SBNO2: variants seen among roughly 807,000 people sequenced by gnomAD.
SBNO2 encodes strawberry notch homolog 2.
In SBNO2, 89 loss-of-function variants were observed where a neutral mutation model predicts 146.3. The ratio of observed to expected loss-of-function variants is 0.61; its 90% confidence interval spans 0.51 to 0.73. The LOEUF (loss-of-function observed/expected upper bound fraction) is 0.73, where lower values mean the gene tolerates loss of function less well. Among genes scored for constraint, SBNO2 ranks in the 30% least tolerant of loss-of-function variants. The pLI is 0.00. For synonymous variants in SBNO2, 1,147 were observed against 892.6 expected (o/e 1.29, Z -5.08); for missense variants, 2,092 against 2,003.7 (o/e 1.04, Z -0.84).
chr19:1,149,589 G>T lies in SBNO2; in HGVS notation c.94-147C>A, dbSNP rs1176187750. ...CCCGCCCCTGCTGGTATCTCCTGGG[G>T]AGTCATTTAACTGCCCCGTGCCTCA... On this transcript the variant is annotated intron_variant, in intron 2 of 31. Coordinates refer to ENST00000361757, the MANE Select transcript of SBNO2 (RefSeq NM_014963.3). The T allele has an allele frequency of 1.7e-5, 12 of 695,422 alleles. No individual in the cohort carries two copies. The East Asian group carries it at 3.3e-4, about 19-fold the overall frequency. 43.1% of individuals were successfully genotyped at this position (695,422 alleles called of 1,614,324 possible).
chr19:1,149,524 A>G (rs963119694), intron 2 of SBNO2, 82 bp from the exon 3 acceptor site: 1 of 1,303,216 alleles, frequency 7.7e-7, no homozygotes, highest in Non-Finnish European at 1.1e-6. Context: ...GCAGGGTGAC[A>G]GGCCGAGAGG....
rs538518135 is a variant in SBNO2 at position 1,140,259 on chromosome 19, C to T, written c.279+7050G>A. ...TGGTTGCAGTGAGCCGAGGTCACGC[C>T]ACTGCACTCCAGCCTGGGCGACAGA... On this transcript the variant is annotated intron_variant, in intron 4 of 31. Coordinates refer to ENST00000361757, the MANE Select transcript of SBNO2 (RefSeq NM_014963.3). The surrounding 1 kb of genome is among the most constrained non-coding windows in gnomAD (Gnocchi z 4.4). 2.0e-5 allele frequency among the ~76,000 whole-genome samples: 3 copies of T among 151,318 alleles called. No individual in the cohort carries two copies. The highest frequency in any genetic ancestry group is 3.9e-4 in the East Asian group (2 of 5,144).
At chr19:1,108,751 C>G (rs780249690) in intron 31 of SBNO2, 28 bp downstream of exon 31, 1 of 1,592,376 alleles carries the variant, frequency 6.3e-7, no homozygotes, top group Non-Finnish European at 8.5e-7. Flanking sequence ...GGGCTCGGGC[C>G]TTCCCGGGGC....
chr19:1,146,032 G>C (rs2080186493), intron 4 of SBNO2, among the ~76,000 whole-genome samples: 1 of 152,046 alleles, frequency 6.6e-6, no homozygotes, highest in Non-Finnish European at 1.5e-5. Context: ...TCCAGCCCTG[G>C]GGCTCCAGGA....
At chr19:1,149,694 G>A (rs2080225090) in intron 2 of SBNO2, among the ~76,000 whole-genome samples, 1 of 152,226 alleles carries the variant, frequency 6.6e-6, no homozygotes, top group Non-Finnish European at 1.5e-5. Context: ...GAAGGGCTCA[G>A]CACAGGTCTT....
Position 1,171,275 on chromosome 19 carries a change from C to T in SBNO2, c.-127+2897G>A, listed in dbSNP as rs544361342. On this transcript the variant is annotated intron_variant, in intron 1 of 31. Transcript: ENST00000361757. The stretch of plus-strand genomic sequence containing the variant: ...ACAACACACACACAGAACGCGCACA[C>T]GTCCGTACGACGCACACACAGAATG... Among the ~76,000 whole-genome samples, 13 of 152,176 alleles carry T rather than the reference C, an allele frequency of 8.5e-5. No individual in the cohort carries two copies. In the South Asian group the frequency reaches 1.7e-3, roughly 19 times the overall value.
At chr19:1,167,450 C>G (rs556887617) in intron 1 of SBNO2, among the ~76,000 whole-genome samples, 50 of 152,302 alleles carry the variant, frequency 3.3e-4, no homozygotes, top group African/African-American at 1.2e-3. Flanking sequence ...TGAGCTCGGC[C>G]GGGGGCGGGA....
chr19:1,108,196 G>C lies in SBNO2; in HGVS notation c.*24C>G, dbSNP rs926754677. On this transcript the variant is annotated 3_prime_UTR_variant, in exon 32 of 32. Transcript: ENST00000361757. ...GGGGAGAAACGGTCCCTGTGTCTTG[G>C]GGCATGTTTCGCCTAAAGGCGTGTC... 2 of 1,522,216 alleles carry C rather than the reference G, an allele frequency of 1.3e-6. No individual in the cohort carries two copies. The highest frequency in any genetic ancestry group is 8.8e-7 in the Non-Finnish European group (1 of 1,132,466). The allele number at this position is 1,522,216 out of a possible 1,614,324, so 94.3% of individuals were successfully genotyped here.
chr19:1,108,633 G>A lies in SBNO2; in HGVS notation c.3688C>T (p.Arg1230Cys), dbSNP rs562451114. ...CAGCCCAGGGCGGGCGCCTGCCTGC[G>A]CTTCACGTCCGCATCCATCAGCCGC... The part of the protein sequence containing the change: ...ELRLMDADVK[R>C]RQAPALGCPA... The change falls in exon 32 of 32, where the codon CGC becomes TGC. Residue 1230 changes from arginine (R) to cysteine (C), a missense_variant. Physicochemically the swap from Arg to Cys is radical, Grantham distance 180. Coordinates refer to ENST00000361757, the MANE Select transcript of SBNO2 (RefSeq NM_014963.3). 333 of 1,475,310 alleles carry A rather than the reference G, an allele frequency of 2.3e-4. No homozygotes were observed. The highest frequency in any genetic ancestry group is 2.0e-3 in the Admixed American group (82 of 42,006). The allele number at this position is 1,475,310 out of a possible 1,614,324, so 91.4% of individuals were successfully genotyped here. A position where few individuals can be genotyped will look rare whatever the true frequency, so the allele number is the denominator to read the frequency against.
At chr19:1,122,079 T>A in intron 11 of SBNO2, 60 bp downstream of exon 11, 15 of 627,922 alleles carry the variant, frequency 2.4e-5, no homozygotes, top group Non-Finnish European at 2.9e-5. Context: ...TCCTCCATCC[T>A]CCTTTTCCCT....
chr19:1,132,001 C>G lies in SBNO2; in HGVS notation c.280-4236G>C, dbSNP rs374185769. 4.9e-6 allele frequency: 5 copies of G among 1,014,050 alleles called. No homozygotes were observed. The East Asian group carries it at 1.6e-4, about 33-fold the overall frequency. 62.8% of individuals were successfully genotyped at this position (1,014,050 alleles called of 1,614,324 possible). ...CTCTAGGATGAGATGCCGGCTGCTC[C>G]GGCAGGGGGCCCGGCCGTCCTGAAT... On this transcript the variant is annotated intron_variant, in intron 4 of 31. Coordinates refer to ENST00000361757, the MANE Select transcript of SBNO2 (RefSeq NM_014963.3).
intron 23 of SBNO2, 39 bp downstream of exon 23, chr19:1,111,957 C>A: frequency 6.5e-7 from 1 of 1,539,326 alleles, no homozygotes. Context: ...TAGACCCCTG[C>A]CCCTGCCCCG....
intron 16 of SBNO2, 36 bp from the exon 17 acceptor site, chr19:1,116,139 G>A (rs373992538): frequency 1.9e-6 from 3 of 1,578,796 alleles, no homozygotes; most frequent in Non-Finnish European, 2.6e-6. Context: ...CTCACACGAG[G>A]AGCTGAGGCC....
At chr19:1,154,561 C>T (rs1233366367) in intron 1 of SBNO2, among the ~76,000 whole-genome samples, 159 bp from the exon 2 acceptor site, 2 of 152,116 alleles carry the variant, frequency 1.3e-5, no homozygotes, top group African/African-American at 2.4e-5. Flanking sequence ...TCCCCACTCA[C>T]CCCCACCCGC....
At chr19:1,122,587 A>G (rs992662101) in intron 9 of SBNO2, 29 bp from the exon 10 acceptor site, 2 of 1,509,582 alleles carry the variant, frequency 1.3e-6, no homozygotes, top group African/African-American at 2.8e-5. Flanking sequence ...AGGCGCGCCC[A>G]CCCTTCCCCC....
rs1052610536 is a variant in SBNO2 at position 1,122,672 on chromosome 19, C to G, written c.900G>C (p.Arg300=). 2.0e-6 allele frequency: 3 copies of G among 1,489,204 alleles called. No individual in the cohort carries two copies. Among genetic ancestry groups the G allele is most frequent in the Non-Finnish European group, 2.7e-6 (3 of 1,118,894 alleles). The allele number at this position is 1,489,204 out of a possible 1,614,324, so 92.2% of individuals were successfully genotyped here. Residue 300 remains arginine (R), a synonymous_variant, in exon 9 of 32, where the codon CGG becomes CGC. Coordinates refer to ENST00000361757, the MANE Select transcript of SBNO2 (RefSeq NM_014963.3). The stretch of plus-strand genomic sequence containing the variant: ...CAGGGCCTCACCACAATGCTTTCTT[C>G]CGGCCGCGCAGGTGGTTCTCCAGGA... ...GVILENHLRG[R]KKALWFSVSN... is the part of the protein sequence containing the mutation.
intron 8 of SBNO2, 31 bp downstream of exon 8, chr19:1,122,863 A>C (rs1287838264): frequency 5.8e-6 from 9 of 1,539,256 alleles, no homozygotes; most frequent in Non-Finnish European, 7.9e-6. Context: ...TCGCGGACAC[A>C]GGCTGGGCTG....
At chr19:1,167,193 T>A (rs2080434268) in intron 1 of SBNO2, among the ~76,000 whole-genome samples, 1 of 152,266 alleles carries the variant, frequency 6.6e-6, no homozygotes, top group Non-Finnish European at 1.5e-5. Flanking sequence ...AGTTAGGCGC[T>A]GCTCCACGCC....
At chr19:1,170,768 A>G (rs1206863397) in intron 1 of SBNO2, among the ~76,000 whole-genome samples, 2 of 152,186 alleles carry the variant, frequency 1.3e-5, no homozygotes, top group Admixed American at 1.3e-4. Flanking sequence ...TAACGGACAC[A>G]GGTGCACAGG....
Sources: allele counts gnomAD v4.1 joint callset (sites outside exome capture counted in the v4.1 genomes callset), GRCh38; gene constraint gnomAD v4.1.1; non-coding constraint Gnocchi (gnomAD v3.1); transcripts MANE v1.5; gene names NCBI Gene and HGNC (gene_info 2026-07-23, HGNC 2026-07-21).